The following SLCO1B1 variants were observed in gnomAD, a reference collection of about 807,000 sequenced individuals.
SLCO1B1 encodes solute carrier organic anion transporter family member 1B1.
Under a neutral mutation model 70.1 loss-of-function variants are expected in SLCO1B1, and 81 were observed. That is an observed-to-expected ratio of 1.16 (90% CI 0.97 to 1.39). SLCO1B1 has a LOEUF of 1.39. SLCO1B1 is among the 40% of genes most tolerant of loss of function. SLCO1B1 has a pLI of 0.00. For missense variants in SLCO1B1, 895 were observed against 799.6 expected (o/e 1.12, Z -1.44); for synonymous variants, 283 against 271.5 (o/e 1.04, Z -0.42).
chr12:21,159,473 A>G (rs907558071), intron 2 of SLCO1B1, among the ~76,000 whole-genome samples: 2 of 152,338 alleles, frequency 1.3e-5, no homozygotes, highest in Admixed American at 1.3e-4. Flanking sequence ...AAAATGGCAA[A>G]TGATAAAAAA....
At chr12:21,180,443 A>T (rs2121111365) in intron 7 of SLCO1B1, among the ~76,000 whole-genome samples, 1 of 152,320 alleles carries the variant, frequency 6.6e-6, no homozygotes, top group South Asian at 2.1e-4. Context: ...ACAATGAGCT[A>T]TTAATATTTG....
At chr12:21,224,344 T>G (rs1941461578) in intron 13 of SLCO1B1, among the ~76,000 whole-genome samples, 1 of 152,136 alleles carries the variant, frequency 6.6e-6, no homozygotes, top group Non-Finnish European at 1.5e-5. Context: ...CCCATAAAAT[T>G]GTAATTCTAC....
Position 21,138,134 on chromosome 12 carries a change from A to G in SLCO1B1, c.-61-3380A>G, listed in dbSNP as rs368263591. ...TTGTCTCTCCTATAAAAGGTCTAAGAAGTTAGCAAATGCTGTTTTTCCTTT... is the reference window on the plus strand; with the variant it reads ...TTGTCTCTCCTATAAAAGGTCTAAGGAGTTAGCAAATGCTGTTTTTCCTTT... On this transcript the variant is annotated intron_variant, in intron 1 of 14. Coordinates refer to ENST00000256958, the MANE Select transcript of SLCO1B1 (RefSeq NM_006446.5). Among the ~76,000 whole-genome samples, 17 of 152,196 alleles carry G rather than the reference A, an allele frequency of 1.1e-4. 1 individual carries two copies. The highest frequency in any genetic ancestry group is 3.9e-4 in the East Asian group (2 of 5,194).
intron 12 of SLCO1B1, among the ~76,000 whole-genome samples, chr12:21,219,841 AC>A (rs34241429): frequency 0.48 from 73,192 of 151,902 alleles, 17,930 homozygotes; most frequent in East Asian, 0.73. Context: ...GATTGCTGCA[AC>A]CCTCCGCCTC....
At chr12:21,233,598 G>A (rs1417886479) in intron 14 of SLCO1B1, among the ~76,000 whole-genome samples, 1 of 150,316 alleles carries the variant, frequency 6.7e-6, no homozygotes, top group Non-Finnish European at 1.5e-5. Flanking sequence ...GAGCCCCAAA[G>A]GAGCCAAACC....
rs777159455 is a variant in SLCO1B1 at position 21,217,188 on chromosome 12, G to A, written c.1567G>A (p.Glu523Lys). 12 of 1,613,596 alleles carry A rather than the reference G, an allele frequency of 7.4e-6. No homozygotes were observed. The highest frequency in any genetic ancestry group is 8.5e-6 in the Non-Finnish European group (10 of 1,179,688). Residue 523 changes from glutamate (E) to lysine (K), a missense_variant, in exon 12 of 15, where the codon GAA becomes AAA. Transcript: ENST00000256958. Reference sequence around the variant, plus strand: ...CAGAAATTACTCAGCCCATTTGGGTGAATGCCCAAGAGATGATGCTTGTAC... The same window carrying A: ...CAGAAATTACTCAGCCCATTTGGGTAAATGCCCAAGAGATGATGCTTGTAC... The part of the protein sequence containing the change: ...QNRNYSAHLG[E>K]CPRDDACTRK...
At chr12:21,195,079 C>T (rs1365919519) in intron 7 of SLCO1B1, among the ~76,000 whole-genome samples, 1 of 152,216 alleles carries the variant, frequency 6.6e-6, no homozygotes, top group East Asian at 1.9e-4. Flanking sequence ...CTACCTCCAA[C>T]ATTGGATATT....
intron 2 of SLCO1B1, among the ~76,000 whole-genome samples, chr12:21,144,224 C>T (rs1591797302): frequency 6.6e-6 from 1 of 151,890 alleles, no homozygotes; most frequent in African/African-American, 2.4e-5. Flanking sequence ...TAAGAAAGAA[C>T]CAAAATTAAC....
intron 11 of SLCO1B1, among the ~76,000 whole-genome samples, chr12:21,211,719 A>G (rs1395811256): frequency 6.6e-6 from 1 of 152,172 alleles, no homozygotes; most frequent in Non-Finnish European, 1.5e-5. Flanking sequence ...TAAGCTACTG[A>G]TTATTGCCAC....
intron 5 of SLCO1B1, 141 bp from the exon 6 acceptor site, chr12:21,178,435 G>C (rs1420797567): frequency 2.0e-5 from 13 of 646,198 alleles, no homozygotes; most frequent in Non-Finnish European, 3.2e-5. Flanking sequence ...TATTGTCAAA[G>C]TTTGCAAAGT....
At chr12:21,173,371 A>G (rs891123389) in intron 3 of SLCO1B1, among the ~76,000 whole-genome samples, 5 of 152,126 alleles carry the variant, frequency 3.3e-5, no homozygotes, top group African/African-American at 1.2e-4. Context: ...AATTTATAAG[A>G]TGAATATTAA....
chr12:21,174,619 A>G lies in SLCO1B1; in HGVS notation c.269A>G (p.Lys90Arg). The change falls in exon 4 of 15, where the codon AAA becomes AGA. Residue 90 changes from lysine to arginine, a missense_variant. Coordinates refer to ENST00000256958, the MANE Select transcript of SLCO1B1 (RefSeq NM_006446.5). ...GTATTTGTGAGTTACTTTGGATCCA[A>G]ACTACATAGACCAAAGTTAATTGGA... Reference protein sequence around the residue: ...VIVFVSYFGSKLHRPKLIGIG... With the variant: ...VIVFVSYFGSRLHRPKLIGIG... The G allele has an allele frequency of 6.2e-7, 1 of 1,613,486 alleles. No individual in the cohort carries two copies. The highest frequency in any genetic ancestry group is 8.5e-7 in the Non-Finnish European group (1 of 1,179,664).
At chr12:21,152,532 G>GTTTTTTTTTTTTTT (rs1321105425) in intron 2 of SLCO1B1, among the ~76,000 whole-genome samples, 28 of 7,898 alleles carry the variant, frequency 3.5e-3, no homozygotes, top group East Asian at 0.029. Context: ...GAGAGGAGAG[G>GTTTTTTTTTTTTTT]CTTTTTTTTT....
At chr12:21,197,742 G>A (rs1333244865) in intron 8 of SLCO1B1, among the ~76,000 whole-genome samples, 4 of 152,044 alleles carry the variant, frequency 2.6e-5, no homozygotes, top group African/African-American at 9.7e-5. Context: ...TATGTAATTA[G>A]AGTAATATTT....
chr12:21,226,690 T>C (rs979106479), intron 14 of SLCO1B1, among the ~76,000 whole-genome samples: 16 of 152,174 alleles, frequency 1.1e-4, no homozygotes, highest in Admixed American at 4.6e-4. Flanking sequence ...ACAAACCACA[T>C]AAAAAGCAAA....
At chr12:21,230,292 A>C (rs972011503) in intron 14 of SLCO1B1, among the ~76,000 whole-genome samples, 1 of 133,522 alleles carries the variant, frequency 7.5e-6, no homozygotes, top group African/African-American at 2.7e-5. Flanking sequence ...TTTTGCGTCT[A>C]TGTTCATGAG....
intron 11 of SLCO1B1, among the ~76,000 whole-genome samples, chr12:21,213,826 T>C (rs201650470): frequency 0.17 from 25,232 of 145,824 alleles, 2,310 homozygotes; most frequent in East Asian, 0.42. Flanking sequence ...CATCTTCCAT[T>C]GCTGATACCC....
intron 14 of SLCO1B1, among the ~76,000 whole-genome samples, chr12:21,234,554 GTTCGGC>G (rs1228319340): frequency 1.2e-4 from 18 of 152,228 alleles, no homozygotes; most frequent in African/African-American, 4.3e-4. Flanking sequence ...CCCAGAATTA[GTTCGGC>G]TTACACCCAG....
At chr12:21,175,780 T>C (rs921688175) in intron 4 of SLCO1B1, among the ~76,000 whole-genome samples, 2 of 152,086 alleles carry the variant, frequency 1.3e-5, no homozygotes, top group African/African-American at 4.8e-5. Flanking sequence ...GTCAGAGTCC[T>C]CTAATTTCCT....
Sources: allele counts gnomAD v4.1 joint callset (sites outside exome capture counted in the v4.1 genomes callset), GRCh38; gene constraint gnomAD v4.1.1; transcripts MANE v1.5; gene names NCBI Gene and HGNC (gene_info 2026-07-23, HGNC 2026-07-21).